TBC1D9: variants seen among roughly 807,000 people sequenced by gnomAD.
The protein encoded by TBC1D9 is TBC1 domain family member 9, also known as TBC1 domain family member 9A.
In TBC1D9, 63 loss-of-function variants were observed where a neutral mutation model predicts 132.0. The observed-to-expected ratio is 0.48, with a 90% CI of 0.39 to 0.59. The LOEUF is 0.59. TBC1D9 is among the 20% of genes least tolerant of loss of function. TBC1D9 has a pLI of 0.00. For synonymous variants in TBC1D9, 610 were observed against 609.9 expected, an observed-to-expected ratio of 1.00 and a Z score of 0.00; for missense variants, 1,261 against 1,592.7, an observed-to-expected ratio of 0.79 and a Z score of 3.54.
chr4:140,704,437 A>G (rs1156669072), intron 1 of TBC1D9, among the ~76,000 whole-genome samples: 3 of 62,386 alleles, frequency 4.8e-5, no homozygotes, highest in African/African-American at 1.4e-4. Context: ...AAAAATCAGA[A>G]AAAAAAAAAA....
In TBC1D9 at chr4:140,679,651, G is replaced by A; in HGVS notation, c.553C>T (p.His185Tyr). 1 of 1,613,714 alleles carries A rather than the reference G, an allele frequency of 6.2e-7. No individual in the cohort carries two copies. Among genetic ancestry groups the A allele is most frequent in the Non-Finnish European group, 8.5e-7 (1 of 1,179,750 alleles). ...RQGWMYLSINHLCFYSFLMGR... is the reference protein window; with the variant it reads ...RQGWMYLSINYLCFYSFLMGR... ...ATAAGAAAAGAATAAAAGCAAAGGT[G>A]GTTAATGCTGAGGTACATCCAACCC... The change falls in exon 4 of 21, where the codon CAC becomes TAC. Residue 185 changes from histidine (H) to tyrosine (Y), a missense_variant. By Grantham distance (83) the His-to-Tyr change is moderately conservative (BLOSUM62 2). Transcript: ENST00000442267.
rs557733094 is a variant in TBC1D9, at chr4:140,661,035, C to T, written c.1803+858G>A. Reference sequence around the variant, plus strand: ...GTTCAGGCCATTCTCCTGCCTCAGCCTCCCGAGTAGCTGGGACTACAGGCA... The same window carrying T: ...GTTCAGGCCATTCTCCTGCCTCAGCTTCCCGAGTAGCTGGGACTACAGGCA... On this transcript the variant is annotated intron_variant, in intron 10 of 20. Transcript: ENST00000442267. 8.7e-4 allele frequency among the ~76,000 whole-genome samples: 133 copies of T among 152,258 alleles called. 1 individual carries two copies. The highest frequency in any genetic ancestry group is 1.7e-3 in the Non-Finnish European group (114 of 68,016).
At chr4:140,743,563 C>T (rs765642615) in intron 1 of TBC1D9, among the ~76,000 whole-genome samples, 1 of 152,168 alleles carries the variant, frequency 6.6e-6, no homozygotes, top group South Asian at 2.1e-4. Flanking sequence ...AACACAAAGA[C>T]GCTGTGCAAA....
At chr4:140,669,321 G>A (rs893639925) in intron 8 of TBC1D9, among the ~76,000 whole-genome samples, 1 of 152,094 alleles carries the variant, frequency 6.6e-6, no homozygotes, top group Non-Finnish European at 1.5e-5. Context: ...ATGGTTTTAT[G>A]TCTGCACCCC....
rs1578809951 is a variant in TBC1D9 at position 140,621,877 on chromosome 4, T to C, written c.*318A>G. Reference sequence around the variant, plus strand: ...ACAGTACTATTTTTTAAACCATGTATACAGCTCAACAGCAAGATTAATAAG... The same window carrying C: ...ACAGTACTATTTTTTAAACCATGTACACAGCTCAACAGCAAGATTAATAAG... On this transcript the variant is annotated 3_prime_UTR_variant, in exon 21 of 21. Transcript: ENST00000442267. 1 of 219,756 alleles carries C rather than the reference T, an allele frequency of 4.6e-6. No homozygotes were observed. The highest frequency in any genetic ancestry group is 8.9e-6 in the Non-Finnish European group (1 of 112,100). The allele number at this position is 219,756 out of a possible 1,614,324, so 13.6% of individuals were successfully genotyped here. A position where few individuals can be genotyped will look rare whatever the true frequency, so the allele number is the denominator to read the frequency against.
At chr4:140,742,429 G>A (rs1032149465) in intron 1 of TBC1D9, among the ~76,000 whole-genome samples, 10 of 151,230 alleles carry the variant, frequency 6.6e-5, no homozygotes, top group African/African-American at 2.4e-4. Context: ...TTACTCAGGA[G>A]GCTGAGGCAG....
At chr4:140,631,116 T>C (rs1424013538) in intron 16 of TBC1D9, among the ~76,000 whole-genome samples, 5 of 152,228 alleles carry the variant, frequency 3.3e-5, no homozygotes, top group African/African-American at 1.2e-4. Flanking sequence ...ATTTATCCAA[T>C]GACCGGCTGC....
At chr4:140,718,735 A>G (rs1283954670) in intron 1 of TBC1D9, among the ~76,000 whole-genome samples, 2 of 152,188 alleles carry the variant, frequency 1.3e-5, no homozygotes, top group Non-Finnish European at 2.9e-5. Context: ...TATGACAGCA[A>G]TAAGAATGTC....
intron 13 of TBC1D9, among the ~76,000 whole-genome samples, chr4:140,639,834 T>C (rs1363721062): frequency 6.6e-6 from 1 of 152,200 alleles, no homozygotes; most frequent in East Asian, 1.9e-4. Flanking sequence ...TCCTGACCAG[T>C]AGGTTCAAGA....
At chr4:140,650,422 C>T (rs1424382637) in intron 13 of TBC1D9, among the ~76,000 whole-genome samples, 2 of 152,230 alleles carry the variant, frequency 1.3e-5, no homozygotes, top group Admixed American at 6.5e-5. Flanking sequence ...CTGTCTAGTT[C>T]CAGAAGCCCA....
intron 2 of TBC1D9, among the ~76,000 whole-genome samples, chr4:140,688,943 T>A (rs767866415): frequency 6.6e-6 from 1 of 152,050 alleles, no homozygotes; most frequent in South Asian, 2.1e-4. Flanking sequence ...GTCACCACCA[T>A]CACCAGCTGT....
chr4:140,690,468 T>C (rs938653747), intron 2 of TBC1D9, among the ~76,000 whole-genome samples: 1 of 152,076 alleles, frequency 6.6e-6, no homozygotes, highest in African/African-American at 2.4e-5. Context: ...CCCAAACCTA[T>C]TGCTTCTGCT....
chr4:140,655,711 G>A (rs918375965), intron 13 of TBC1D9, among the ~76,000 whole-genome samples: 6 of 152,072 alleles, frequency 3.9e-5, no homozygotes, highest in African/African-American at 1.2e-4. Flanking sequence ...GAGATAGAGC[G>A]GCAGATCAGG....
intron 13 of TBC1D9, among the ~76,000 whole-genome samples, chr4:140,650,781 C>T (rs1459008279): frequency 4.6e-5 from 7 of 151,972 alleles, no homozygotes; most frequent in East Asian, 3.9e-4. Context: ...GTGATCCACC[C>T]GCCTTGGCCT....
chr4:140,709,381 G>A (rs981571031), intron 1 of TBC1D9, among the ~76,000 whole-genome samples: 1 of 151,528 alleles, frequency 6.6e-6, no homozygotes, highest in Non-Finnish European at 1.5e-5. Context: ...AAACATTGTG[G>A]CTAAGAATCA....
At chr4:140,691,630 A>T (rs1453820784) in intron 2 of TBC1D9, among the ~76,000 whole-genome samples, 3 of 152,238 alleles carry the variant, frequency 2.0e-5, no homozygotes, top group African/African-American at 7.2e-5. Context: ...GATGTTGGGT[A>T]TGAGAATCCT....
chr4:140,628,143 C>G (rs1397939036), intron 17 of TBC1D9, among the ~76,000 whole-genome samples, 157 bp downstream of exon 17: 1 of 152,196 alleles, frequency 6.6e-6, no homozygotes, highest in Non-Finnish European at 1.5e-5. Context: ...CATGCTGATT[C>G]AAGAACTTAT....
intron 13 of TBC1D9, chr4:140,644,831 G>C (rs1737076580): frequency 2.4e-6 from 1 of 420,572 alleles, no homozygotes; most frequent in African/African-American, 2.1e-5. Flanking sequence ...TGAGGCAGGT[G>C]ATCTCTGGGA....
At chr4:140,661,228 T>G (rs1180301109) in intron 10 of TBC1D9, among the ~76,000 whole-genome samples, 1 of 152,224 alleles carries the variant, frequency 6.6e-6, no homozygotes, top group Non-Finnish European at 1.5e-5. Flanking sequence ...TAGCCTTTGA[T>G]TCTAAGGTCA....
Sources: gnomAD v4.1 joint callset for allele counts (sites outside exome capture counted in the v4.1 genomes callset) on GRCh38, gnomAD v4.1.1 for gene constraint, MANE v1.5 for transcripts, NCBI Gene and HGNC (gene_info 2026-07-23, HGNC 2026-07-21) for gene names.